Variants in RUFY4 observed in about 807,000 individuals in gnomAD.
RUFY4 encodes the protein RUN and FYVE domain-containing protein 4.
Under a neutral mutation model 69.0 loss-of-function variants are expected in RUFY4, and 73 were observed. That is an observed-to-expected ratio of 1.06 (90% CI 0.88 to 1.29). RUFY4 has a LOEUF of 1.29. Ranked by LOEUF, RUFY4 falls within the 50% of genes most tolerant of loss-of-function variation. The pLI is 0.00. For synonymous variants in RUFY4, 287 were observed against 271.8 expected, an observed-to-expected ratio of 1.06 and a Z score of -0.55; for missense variants, 770 against 705.6, an observed-to-expected ratio of 1.09 and a Z score of -1.03.
chr2:218,076,883 T>A (rs1030587843), intron 8 of RUFY4, among the ~76,000 whole-genome samples: 4 of 152,228 alleles, frequency 2.6e-5, no homozygotes, highest in Non-Finnish European at 4.4e-5. Flanking sequence ...TCCACTGGAC[T>A]TCTTTCCCCC....
At chr2:218,087,567 G>A (rs560332046) in intron 9 of RUFY4, among the ~76,000 whole-genome samples, 16 of 152,310 alleles carry the variant, frequency 1.1e-4, no homozygotes, top group Non-Finnish European at 1.8e-4. Context: ...GGTGGCTCAT[G>A]CCTGTCATCC....
intron 2 of RUFY4, among the ~76,000 whole-genome samples, chr2:218,047,450 A>T (rs1180923584): frequency 2.0e-5 from 3 of 152,108 alleles, no homozygotes; most frequent in Admixed American, 6.5e-5. Flanking sequence ...CGGATCAATA[A>T]GTCATCTTGC....
At chr2:218,073,986 G>A (rs1689560545) in intron 6 of RUFY4, 101 bp downstream of exon 8, 1 of 1,178,266 alleles carries the variant, frequency 8.5e-7, no homozygotes, top group Non-Finnish European at 1.3e-6. Flanking sequence ...TGTACAGAGA[G>A]CCCTGACCCT....
chr2:218,049,663 C>G (rs1688903358), intron 2 of RUFY4, among the ~76,000 whole-genome samples: 1 of 152,052 alleles, frequency 6.6e-6, no homozygotes, highest in Non-Finnish European at 1.5e-5. Flanking sequence ...TGCGCCACCA[C>G]AGCTGGCTAA....
intron 3 of RUFY4, chr2:218,060,636 G>C (rs1689161101): frequency 1.5e-6 from 2 of 1,358,600 alleles, no homozygotes; most frequent in East Asian, 2.3e-5. Flanking sequence ...GCAGCCAGCA[G>C]AGCAGGAAAA....
At chr2:218,067,655 C>A (rs1388884290), upstream of RUFY4, among the ~76,000 whole-genome samples, 1 of 152,166 alleles carries the variant, frequency 6.6e-6, no homozygotes, top group Non-Finnish European at 1.5e-5. Context: ...TCCCAAGAGG[C>A]CGCTTAGAAA....
intron 6 of RUFY4, among the ~76,000 whole-genome samples, chr2:218,074,700 A>T (rs756775571): frequency 6.6e-6 from 1 of 152,186 alleles, no homozygotes; most frequent in Non-Finnish European, 1.5e-5. Context: ...TCACAACCCT[A>T]AAACCGGGTA....
At chr2:218,050,439 A>G (rs1449803169) in intron 2 of RUFY4, among the ~76,000 whole-genome samples, 1 of 152,122 alleles carries the variant, frequency 6.6e-6, no homozygotes, top group African/African-American at 2.4e-5. Context: ...CACTTGCCGA[A>G]CTGCAGGAGC....
At chr2:218,060,218 T>G in intron 3 of RUFY4, 1 of 951,810 alleles carries the variant, frequency 1.1e-6, no homozygotes, top group Non-Finnish European at 1.5e-6. Flanking sequence ...CTCTGCTTCC[T>G]GCGACCACAG....
rs150904410 is a variant in RUFY4 at position 218,079,162 on chromosome 2, C to G, written c.1355+2629C>G. Among the ~76,000 whole-genome samples the G allele has an allele frequency of 5.4e-3, 828 of 152,306 alleles. 13 individuals are homozygous for G. The highest frequency in any genetic ancestry group is 0.019 in the African/African-American group (789 of 41,562). ...GAGATTACAGGCATGAGCCACGGTGCCCGGCTTGATGTGCGTTTTAAAGGC... is the reference window on the plus strand; with the variant it reads ...GAGATTACAGGCATGAGCCACGGTGGCCGGCTTGATGTGCGTTTTAAAGGC... On this transcript the variant is annotated intron_variant, in intron 8 of 10. Transcript: ENST00000344321.
chr2:218,060,482 A>C, intron 3 of RUFY4: 1 of 1,330,042 alleles, frequency 7.5e-7, no homozygotes, highest in Non-Finnish European at 1.1e-6. Context: ...ATGAAGGCGT[A>C]GATGAGGGGA....
rs1403043651 is a variant in RUFY4, at chr2:218,082,925, G to A, written c.1356-185G>A. Among the ~76,000 whole-genome samples the A allele has an allele frequency of 6.8e-4, 3 of 4,388 alleles. No individual in the cohort carries two copies. In the South Asian group the frequency reaches 0.015, roughly 22 times the overall value. 2.9% of individuals were successfully genotyped at this position (4,388 alleles called of 152,430 possible). ...TTCTGTTATACTATGTGTGTATTAG[G>A]GTGTGTGTTGTGTTGTAGGCATGTG... On this transcript the variant is annotated intron_variant, in intron 8 of 10. Coordinates refer to ENST00000344321, the Ensembl canonical transcript of RUFY4.
intron 2 of RUFY4, among the ~76,000 whole-genome samples, chr2:218,056,299 A>G (rs1689063675): frequency 6.8e-6 from 1 of 147,754 alleles, no homozygotes; most frequent in Non-Finnish European, 1.5e-5. Flanking sequence ...TTGCAAAGCC[A>G]GTTCTCCCAA....
intron 2 of RUFY4, among the ~76,000 whole-genome samples, chr2:218,040,765 G>A (rs1959050486): frequency 6.6e-6 from 1 of 152,120 alleles, no homozygotes; most frequent in Non-Finnish European, 1.5e-5. Context: ...TAAAATGTGT[G>A]TATCTGAGTG....
intron 2 of RUFY4, among the ~76,000 whole-genome samples, chr2:218,040,610 G>A (rs1253018257): frequency 6.6e-6 from 1 of 152,174 alleles, no homozygotes; most frequent in Non-Finnish European, 1.5e-5. Flanking sequence ...CAGGTGAAGA[G>A]GAGGCCACAG....
Position 218,049,620 on chromosome 2 carries a change from C to T in RUFY4, c.-1157-8975C>T, listed in dbSNP as rs536971313. ...CTCCCAGGTTCAGGCAATTCTCCTGCCTCAGCCTCCCAAGTAGCTGGGATT... is the reference window on the plus strand; with the variant it reads ...CTCCCAGGTTCAGGCAATTCTCCTGTCTCAGCCTCCCAAGTAGCTGGGATT... On this transcript the variant is annotated intron_variant and NMD_transcript_variant, in intron 2 of 13. Coordinates refer to the RUFY4 transcript ENST00000457754. 3.4e-3 allele frequency among the ~76,000 whole-genome samples: 512 copies of T among 152,194 alleles called. 2 individuals carry two copies. The highest frequency in any genetic ancestry group is 5.7e-3 in the Non-Finnish European group (389 of 68,014).
At chr2:218,086,464 A>G (rs1333586939) in intron 9 of RUFY4, among the ~76,000 whole-genome samples, 1 of 152,212 alleles carries the variant, frequency 6.6e-6, no homozygotes, top group African/African-American at 2.4e-5. Context: ...AAAAAGACAG[A>G]TCACCTATAA....
chr2:218,052,864 C>G (rs1688978444), intron 2 of RUFY4, among the ~76,000 whole-genome samples: 1 of 149,766 alleles, frequency 6.7e-6, no homozygotes, highest in African/African-American at 2.4e-5. Context: ...AGCTATGTAA[C>G]ATTTTATATT....
intron 6 of RUFY4, 76 bp downstream of exon 8, chr2:218,073,961 G>A (rs779899023): frequency 1.4e-6 from 2 of 1,432,206 alleles, no homozygotes. Context: ...TAGAAACTGA[G>A]CTTCCCCCTC....
Sources: allele counts gnomAD v4.1 joint callset (sites outside exome capture counted in the v4.1 genomes callset), GRCh38; gene constraint gnomAD v4.1.1; transcripts MANE v1.5; gene names NCBI Gene and HGNC (gene_info 2026-07-23, HGNC 2026-07-21).